Variants in GK observed in about 807,000 individuals in gnomAD.
GK encodes the protein glycerol kinase.
In GK, 9 loss-of-function variants were observed where a neutral mutation model predicts 56.4. The observed-to-expected ratio is 0.16, with a 90% CI of 0.10 to 0.28. The LOEUF is 0.28. Ranked by LOEUF, GK falls within the 10% of genes least tolerant of loss-of-function variation. The probability of loss-of-function intolerance (pLI) is 1.00; values close to 1 mark genes in which losing one functional copy is unlikely to be tolerated. For synonymous variants in GK, 104 were observed against 144.1 expected (o/e 0.72, Z 1.99); for missense variants, 161 against 431.4 (o/e 0.37, Z 5.55).
chrX:30,694,660 T>C (rs1935153085), intron 6 of GK, 123 bp downstream of exon 6: 4 of 573,228 alleles, frequency 7.0e-6, no homozygotes, highest in Non-Finnish European at 1.1e-5. Flanking sequence ...GAAAAACCAC[T>C]CAAAAAGCAA....
intron 9 of GK, among the ~76,000 whole-genome samples, chrX:30,699,305 TATATATAACATG>T (rs1199312773): frequency 1.5e-3 from 91 of 62,141 alleles, no homozygotes; most frequent in African/African-American, 5.2e-3. Flanking sequence ...ATAACATGTA[TATATATAACATG>T]TTATATATAT....
Position 30,664,702 on chromosome X carries a change from C to CTTT in GK, c.79-789_79-787dup, listed in dbSNP as rs35313243. ...CCTTTACTAACAAGGACTCTATTGC[C>CTTT]TTTTTTTTTTTTTTTTTTTTTTGAG... On this transcript the variant is annotated intron_variant, in intron 1 of 20. Transcript: ENST00000427190. Among the ~76,000 whole-genome samples, 175 of 57,606 alleles carry CTTT rather than the reference C, an allele frequency of 3.0e-3. 2 individuals are homozygous for CTTT. The highest frequency in any genetic ancestry group is 4.2e-3 in the South Asian group (4 of 945). 50.0% of individuals were successfully genotyped at this position (57,606 alleles called of 115,157 possible).
chrX:30,727,618 A>AGAAAT, intron 20 of GK, 66 bp downstream of exon 20: 1 of 713,780 alleles, frequency 1.4e-6, no homozygotes, highest in Non-Finnish European at 2.2e-6. Flanking sequence ...ATAACTTAGC[A>AGAAAT]GAAATTTTTC....
Position 30,730,588 on chromosome X carries a change from T to G in GK, c.*1846T>G, listed in dbSNP as rs1387603457. 1 of 112,046 alleles carries G rather than the reference T, an allele frequency of 8.9e-6. No individual in the cohort carries two copies. The highest frequency in any genetic ancestry group is 1.9e-5 in the Non-Finnish European group (1 of 53,245). The allele number at this position is 112,046 out of a possible 1,213,427, so 9.2% of individuals were successfully genotyped here. ...TATTTAATGACAAATTTACTTAAAA[T>G]AAATTGACCCCTTGTTCTTACTTGC... On this transcript the variant is annotated 3_prime_UTR_variant, in exon 21 of 21. Coordinates refer to ENST00000427190, the MANE Select transcript of GK (RefSeq NM_001205019.2).
chrX:30,699,368 C>CTTTT (rs34129824), intron 9 of GK, among the ~76,000 whole-genome samples: 1 of 79,897 alleles, frequency 1.3e-5, no homozygotes, highest in East Asian at 3.9e-4. Context: ...TACACACACA[C>CTTTT]TTTTTTTTTT....
Position 30,729,852 on chromosome X carries a change from T to A in GK, c.*1110T>A, listed in dbSNP as rs1937282871. The A allele has an allele frequency of 8.9e-6, 1 of 112,706 alleles. No individual in the cohort carries two copies. The highest frequency in any genetic ancestry group is 1.9e-5 in the Non-Finnish European group (1 of 53,236). The allele number at this position is 112,706 out of a possible 1,213,427, so 9.3% of individuals were successfully genotyped here. A position where few individuals can be genotyped will look rare whatever the true frequency, so the allele number is the denominator to read the frequency against. ...AATAGTTATTTTTCTTTTGAATTAA[T>A]TTTAGACATATTTTGGATCCTATTG... On this transcript the variant is annotated 3_prime_UTR_variant, in exon 21 of 21. Transcript: ENST00000427190.
intron 13 of GK, among the ~76,000 whole-genome samples, chrX:30,711,799 G>C (rs946752406): frequency 2.7e-5 from 3 of 110,947 alleles, no homozygotes; most frequent in Non-Finnish European, 5.7e-5. Flanking sequence ...TATTATAAAG[G>C]CTCATGTAAC....
chrX:30,680,672 A>G (rs958826897), intron 4 of GK, among the ~76,000 whole-genome samples: 3 of 112,227 alleles, frequency 2.7e-5, no homozygotes, highest in Admixed American at 1.9e-4. Context: ...AAGCCCAGAG[A>G]CATAAGCCTA....
chrX:30,701,269 C>A (rs1305405724), intron 11 of GK, among the ~76,000 whole-genome samples: 1 of 110,845 alleles, frequency 9.0e-6, no homozygotes, highest in Non-Finnish European at 1.9e-5. Context: ...ATTAGCCGGG[C>A]GTGTTGGTGC....
At chrX:30,654,554 C>T (rs1325437293) in intron 1 of GK, among the ~76,000 whole-genome samples, 1 of 110,438 alleles carries the variant, frequency 9.1e-6, no homozygotes, top group Admixed American at 9.7e-5. Context: ...ACCAGCCTGG[C>T]CAACCTGGCA....
rs1269364368 is a variant in GK at position 30,730,839 on chromosome X, G to A, written c.*2097G>A. ...GGACATGTGAAACTTGGCTGTTAGC[G>A]CTTGATAGGGCACACTCTGAAGAGT... On this transcript the variant is annotated 3_prime_UTR_variant, in exon 21 of 21. Transcript: ENST00000427190. 3.6e-5 allele frequency: 4 copies of A among 110,895 alleles called. No individual in the cohort carries two copies. The highest frequency in any genetic ancestry group is 5.7e-5 in the Non-Finnish European group (3 of 52,970). The allele number at this position is 110,895 out of a possible 1,213,427, so 9.1% of individuals were successfully genotyped here. A position where few individuals can be genotyped will look rare whatever the true frequency, so the allele number is the denominator to read the frequency against.
At chrX:30,660,948 G>A (rs1202406450) in intron 1 of GK, among the ~76,000 whole-genome samples, 2 of 109,007 alleles carry the variant, frequency 1.8e-5, no homozygotes, top group African/African-American at 6.7e-5. Context: ...GAGTAGCTGG[G>A]ATTACAGGTG....
At position 30,696,379 on chromosome X, in the gene GK, G is replaced by A. The variant is rs933616542; in HGVS notation, c.662+228G>A. Among the ~76,000 whole-genome samples the A allele has an allele frequency of 2.7e-5, 3 of 111,948 alleles. No individual in the cohort carries two copies. In the Admixed American group the frequency reaches 2.9e-4, roughly 11 times the overall value. On this transcript the variant is annotated intron_variant, in intron 7 of 20. Coordinates refer to ENST00000427190, the MANE Select transcript of GK (RefSeq NM_001205019.2). ...CGGAAGTTTAGGTTCCTTTATAAAAGTACTTTGGTTTCTGTGTGCTTTCTA... is the reference window on the plus strand; with the variant it reads ...CGGAAGTTTAGGTTCCTTTATAAAAATACTTTGGTTTCTGTGTGCTTTCTA...
chrX:30,723,170 C>T (rs954037542), intron 18 of GK, among the ~76,000 whole-genome samples: 30 of 110,959 alleles, frequency 2.7e-4, no homozygotes, highest in East Asian at 8.6e-4. Context: ...CCGAGGCGGG[C>T]GGATCACGAG....
chrX:30,719,198 A>G (rs1936773860), intron 14 of GK, among the ~76,000 whole-genome samples: 1 of 111,179 alleles, frequency 9.0e-6, no homozygotes, highest in South Asian at 3.7e-4. Flanking sequence ...TGGTTCCTTG[A>G]TTTCTTGAGC....
intron 10 of GK, among the ~76,000 whole-genome samples, 188 bp downstream of exon 10, chrX:30,700,637 A>T (rs1278503310): frequency 8.9e-6 from 1 of 111,763 alleles, no homozygotes; most frequent in Non-Finnish European, 1.9e-5. Context: ...ATTAATTTTA[A>T]CTCTCCCTTC....
chrX:30,707,969 C>T (rs1163237923), intron 12 of GK, 85 bp from the exon 13 acceptor site: 5 of 548,647 alleles, frequency 9.1e-6, no homozygotes, highest in African/African-American at 2.3e-5. Flanking sequence ...TATTTTGTAC[C>T]TATGTTATTT....
At position 30,688,383 on chromosome X, in the gene GK, A is replaced by G. The variant is rs1376965480; in HGVS notation, c.338-2740A>G. On this transcript the variant is annotated intron_variant, in intron 4 of 20. Transcript: ENST00000427190. ...AACATATAATTGGAACACACCTAGTATTTTAAAGAATATGCTCTTGAAAAG... is the reference window on the plus strand; with the variant it reads ...AACATATAATTGGAACACACCTAGTGTTTTAAAGAATATGCTCTTGAAAAG... 2.8e-5 allele frequency among the ~76,000 whole-genome samples: 3 copies of G among 108,926 alleles called. No homozygotes were observed. The Admixed American group carries it at 3.0e-4, about 11-fold the overall frequency. 94.6% of individuals were successfully genotyped at this position (108,926 alleles called of 115,157 possible).
chrX:30,653,734 A>C (rs1932018288), intron 1 of GK, 119 bp downstream of exon 1: 1 of 695,064 alleles, frequency 1.4e-6, no homozygotes, highest in African/African-American at 2.1e-5. Context: ...GCCGCTGGGC[A>C]AGGAGGGAGG....
Sources: allele counts gnomAD v4.1 joint callset (sites outside exome capture counted in the v4.1 genomes callset), GRCh38; gene constraint gnomAD v4.1.1; transcripts MANE v1.5; gene names NCBI Gene and HGNC (gene_info 2026-07-23, HGNC 2026-07-21).